The following EML1 variants were observed in gnomAD, a reference collection of about 807,000 sequenced individuals.
EML1 encodes the protein echinoderm microtubule-associated protein-like 1.
A neutral mutation model predicts 110.4 loss-of-function variants in EML1; 27 were observed. The observed-to-expected ratio is 0.24, with a 90% CI of 0.18 to 0.34. The LOEUF is 0.34. Among genes scored for constraint, EML1 ranks in the 10% least tolerant of loss-of-function variants. The probability of loss-of-function intolerance (pLI) is 1.00; values close to 1 mark genes in which losing one functional copy is unlikely to be tolerated. For missense variants in EML1, 741 were observed against 1,030.9 expected (o/e 0.72, Z 3.85); for synonymous variants, 344 against 385.8 (o/e 0.89, Z 1.27).
Position 99,909,614 on chromosome 14 carries a change from G to A in EML1, c.1239+135G>A, listed in dbSNP as rs1341309553. 7.7e-6 allele frequency: 9 copies of A among 1,172,722 alleles called. No individual in the cohort carries two copies. In the African/African-American group the frequency reaches 1.1e-4, roughly 14 times the overall value. 72.6% of individuals were successfully genotyped at this position (1,172,722 alleles called of 1,614,324 possible). A position where few individuals can be genotyped will look rare whatever the true frequency, so the allele number is the denominator to read the frequency against. On this transcript the variant is annotated intron_variant, in intron 11 of 21. Coordinates refer to ENST00000262233, the MANE Select transcript of EML1 (RefSeq NM_004434.3). ...ATAGTTGGGAAGCGTGTCACACCTG[G>A]TAGATAACGCTGGTAATGAAGTGAA...
exon 1 of EML1, chr14:99,737,813 G>C (rs770186836): frequency 7.8e-7 from 1 of 1,289,122 alleles, no homozygotes; most frequent in Non-Finnish European, 1.0e-6. Context: ...GTGGCCAGCC[G>C]GCCGCCCATC....
intron 17 of EML1, among the ~76,000 whole-genome samples, chr14:99,928,384 T>G (rs180773041): frequency 6.6e-6 from 1 of 152,000 alleles, no homozygotes; most frequent in Non-Finnish European, 1.5e-5. Flanking sequence ...GTACTTGTTC[T>G]CTGGCATAAC....
chr14:99,865,777 T>C, intron 3 of EML1, 131 bp downstream of exon 3: 1 of 1,169,050 alleles, frequency 8.6e-7, no homozygotes, highest in Non-Finnish European at 1.2e-6. Flanking sequence ...GTCCAACATT[T>C]TATATGGTGC....
chr14:99,907,591 C>T, intron 9 of EML1, 47 bp from the exon 10 acceptor site: 1 of 1,525,814 alleles, frequency 6.6e-7, no homozygotes, highest in South Asian at 1.2e-5. Context: ...ATGTTCAACC[C>T]ACTTTATTCT....
chr14:99,766,520 A>G (rs367888058), intron 1 of EML1, among the ~76,000 whole-genome samples: 20 of 152,242 alleles, frequency 1.3e-4, no homozygotes, highest in African/African-American at 4.6e-4. Context: ...TGAAGACCTC[A>G]GTTGGTATGT....
intron 8 of EML1, among the ~76,000 whole-genome samples, chr14:99,899,865 T>C (rs1161922124): frequency 6.6e-6 from 1 of 152,136 alleles, no homozygotes; most frequent in African/African-American, 2.4e-5. Context: ...AATATTATAG[T>C]TATCTTTCAG....
chr14:99,761,431 C>T (rs1436991693), intron 1 of EML1, among the ~76,000 whole-genome samples: 1 of 152,098 alleles, frequency 6.6e-6, no homozygotes, highest in Non-Finnish European at 1.5e-5. Context: ...CAGACACAGA[C>T]CAGGGTTGCT....
At chr14:99,928,853 T>C (rs1342595407) in intron 17 of EML1, among the ~76,000 whole-genome samples, 1 of 152,234 alleles carries the variant, frequency 6.6e-6, no homozygotes, top group Non-Finnish European at 1.5e-5. Flanking sequence ...GGCAGCCTTT[T>C]GTCCATGTTG....
chr14:99,848,437 CA>C (rs1319834809), intron 1 of EML1, among the ~76,000 whole-genome samples: 1 of 151,930 alleles, frequency 6.6e-6, no homozygotes, highest in East Asian at 1.9e-4. Context: ...AGCCATTCCA[CA>C]ATGTATATAT....
intron 1 of EML1, among the ~76,000 whole-genome samples, chr14:99,823,497 A>G (rs956793382): frequency 5.3e-5 from 8 of 152,106 alleles, no homozygotes; most frequent in Non-Finnish European, 1.0e-4. Flanking sequence ...ATAAAGTATC[A>G]AATAATACCG....
intron 1 of EML1, among the ~76,000 whole-genome samples, chr14:99,788,255 T>TTA (rs1192216933): frequency 3.3e-5 from 5 of 152,158 alleles, no homozygotes; most frequent in African/African-American, 1.2e-4. Flanking sequence ...ATCTGTACAA[T>TTA]TATTATATGT....
At chr14:99,933,548 T>G (rs1339711276) in intron 17 of EML1, among the ~76,000 whole-genome samples, 1 of 152,182 alleles carries the variant, frequency 6.6e-6, no homozygotes, top group Non-Finnish European at 1.5e-5. Flanking sequence ...TGTGACAGAT[T>G]TTCAGCTGTT....
At chr14:99,802,235 G>T (rs1209155774) in intron 1 of EML1, among the ~76,000 whole-genome samples, 2 of 152,186 alleles carry the variant, frequency 1.3e-5, no homozygotes, top group Non-Finnish European at 2.9e-5. Flanking sequence ...AAAGGGAAAG[G>T]AGTAGCGTGG....
chr14:99,810,191 A>C (rs945642043), intron 1 of EML1, among the ~76,000 whole-genome samples: 15 of 152,330 alleles, frequency 9.8e-5, no homozygotes, highest in Non-Finnish European at 1.6e-4. Flanking sequence ...CGTGTCCTTC[A>C]GAACCAGCCA....
At chr14:99,865,739 T>G in intron 3 of EML1, 93 bp downstream of exon 3, 2 of 1,434,190 alleles carry the variant, frequency 1.4e-6, no homozygotes, top group Non-Finnish European at 9.3e-7. Context: ...CATTGTACAA[T>G]TTCTTCTGTG....
At chr14:99,776,656 C>A (rs144502952) in intron 1 of EML1, among the ~76,000 whole-genome samples, 4 of 152,304 alleles carry the variant, frequency 2.6e-5, no homozygotes, top group Non-Finnish European at 5.9e-5. Context: ...AGGGGCACAG[C>A]TCAGTATATG....
chr14:99,757,469 A>G (rs1165830204), intron 1 of EML1, among the ~76,000 whole-genome samples: 1 of 152,220 alleles, frequency 6.6e-6, no homozygotes, highest in Non-Finnish European at 1.5e-5. Context: ...CACATCTAGG[A>G]GCCTCGTGGA....
intron 1 of EML1, among the ~76,000 whole-genome samples, chr14:99,753,461 G>A (rs1198219085): frequency 6.6e-6 from 1 of 151,828 alleles, no homozygotes; most frequent in Admixed American, 6.6e-5. Flanking sequence ...TCCACACACT[G>A]CTCAGTGTTT....
intron 3 of EML1, among the ~76,000 whole-genome samples, chr14:99,877,429 A>T (rs1166782881): frequency 6.6e-6 from 1 of 152,158 alleles, no homozygotes; most frequent in African/African-American, 2.4e-5. Flanking sequence ...CCTCATGCCT[A>T]CGAATCCCCT....
Sources: allele counts gnomAD v4.1 joint callset (sites outside exome capture counted in the v4.1 genomes callset), GRCh38; gene constraint gnomAD v4.1.1; transcripts MANE v1.5; gene names NCBI Gene and HGNC (gene_info 2026-07-23, HGNC 2026-07-21).